Variants in TMEM117 observed in about 807,000 individuals in gnomAD.
The protein encoded by TMEM117 is transmembrane protein 117.
Under a neutral mutation model 52.4 loss-of-function variants are expected in TMEM117, and 27 were observed. The observed-to-expected ratio is 0.51, with a 90% CI of 0.38 to 0.71. TMEM117 has a LOEUF of 0.71. Ranked by LOEUF, TMEM117 falls within the 30% of genes least tolerant of loss-of-function variation. The pLI, the probability that TMEM117 is intolerant of heterozygous loss-of-function variation, is 0.00. For synonymous variants in TMEM117, 215 were observed against 206.3 expected, an observed-to-expected ratio of 1.04 and a Z score of -0.36; for missense variants, 556 against 630.5, an observed-to-expected ratio of 0.88 and a Z score of 1.26.
At chr12:44,061,274 TGAA>T (rs1947134566) in intron 3 of TMEM117, among the ~76,000 whole-genome samples, 1 of 152,136 alleles carries the variant, frequency 6.6e-6, no homozygotes, top group Non-Finnish European at 1.5e-5. Context: ...GACTGTGATA[TGAA>T]GAAGATTTTA....
chr12:43,941,904 T>C (rs1945050586), intron 2 of TMEM117, among the ~76,000 whole-genome samples: 1 of 152,200 alleles, frequency 6.6e-6, no homozygotes, highest in Admixed American at 6.5e-5. Context: ...CCACAATGTT[T>C]TATTTGCAAA....
chr12:43,890,915 A>T (rs752075757), intron 2 of TMEM117, among the ~76,000 whole-genome samples: 4 of 152,222 alleles, frequency 2.6e-5, no homozygotes, highest in Non-Finnish European at 4.4e-5. Flanking sequence ...TATATTCTAA[A>T]AGTATTTTAA....
At chr12:44,072,072 AT>A (rs1318937274) in intron 3 of TMEM117, among the ~76,000 whole-genome samples, 3 of 152,188 alleles carry the variant, frequency 2.0e-5, no homozygotes, top group African/African-American at 7.2e-5. Context: ...GAGTTGGTAG[AT>A]TGATGCACTT....
At chr12:44,292,371 T>G (rs1418537826) in intron 5 of TMEM117, among the ~76,000 whole-genome samples, 1 of 151,956 alleles carries the variant, frequency 6.6e-6, no homozygotes, top group Non-Finnish European at 1.5e-5. Context: ...GGCTAAAGGT[T>G]TATCAATTTT....
At chr12:43,888,543 C>CTTTTTTT (rs147186370) in intron 2 of TMEM117, among the ~76,000 whole-genome samples, 4 of 92,202 alleles carry the variant, frequency 4.3e-5, no homozygotes, top group Non-Finnish European at 6.8e-5. Flanking sequence ...CATTAGTTTT[C>CTTTTTTT]TTTTTTTTTT....
At chr12:43,862,795 A>G (rs944891814) in intron 2 of TMEM117, among the ~76,000 whole-genome samples, 3 of 152,212 alleles carry the variant, frequency 2.0e-5, no homozygotes, top group Non-Finnish European at 4.4e-5. Context: ...AGTGCATTCA[A>G]ACTGAAGGAA....
intron 2 of TMEM117, among the ~76,000 whole-genome samples, chr12:43,847,676 C>T (rs1943233171): frequency 6.6e-6 from 1 of 152,134 alleles, no homozygotes; most frequent in South Asian, 2.1e-4. Context: ...CATGATTCAT[C>T]TGGGTGGGGA....
chr12:44,026,778 A>G lies in TMEM117; in HGVS notation c.410+82436A>G, dbSNP rs150160171. On this transcript the variant is annotated intron_variant, in intron 3 of 7. Transcript: ENST00000266534. ...AACTTTCAAATATTCATATTTAGCA[A>G]TTATCACCATGTTTTAAAATCATAT... Among the ~76,000 whole-genome samples the G allele has an allele frequency of 9.8e-3, 1,495 of 152,214 alleles. 98 individuals are homozygous for G. Among genetic ancestry groups the G allele is most frequent in the Admixed American group, 0.087 (1,325 of 15,286 alleles).
At chr12:43,836,366 T>C (rs1943029502) in intron 1 of TMEM117, among the ~76,000 whole-genome samples, 170 bp downstream of exon 1, 1 of 152,206 alleles carries the variant, frequency 6.6e-6, no homozygotes, top group Admixed American at 6.5e-5. Flanking sequence ...CCGGCGCCTC[T>C]GCTCCTGCCT....
At chr12:44,338,417 G>T (rs745719181) in intron 6 of TMEM117, among the ~76,000 whole-genome samples, 1 of 151,862 alleles carries the variant, frequency 6.6e-6, no homozygotes, top group Non-Finnish European at 1.5e-5. Flanking sequence ...AAGCTGGAAG[G>T]TATAGGTAAT....
At chr12:43,878,014 T>G (rs1398864034) in intron 2 of TMEM117, among the ~76,000 whole-genome samples, 1 of 152,188 alleles carries the variant, frequency 6.6e-6, no homozygotes, top group Non-Finnish European at 1.5e-5. Flanking sequence ...CTTAAAACTG[T>G]ATCTTAGTGT....
chr12:43,806,099 C>A, the TMEM117 span: 14 of 1,521,272 alleles, frequency 9.2e-6, no homozygotes, highest in Non-Finnish European at 1.2e-5. Flanking sequence ...GCCCGGCTCG[C>A]CCCGCGAGAC....
chr12:44,313,928 G>A (rs926821359), intron 6 of TMEM117, among the ~76,000 whole-genome samples: 4 of 152,026 alleles, frequency 2.6e-5, no homozygotes, highest in East Asian at 1.9e-4. Flanking sequence ...GTATAGAAAT[G>A]GTACTGATTT....
intron 5 of TMEM117, among the ~76,000 whole-genome samples, chr12:44,232,549 T>C (rs1949946833): frequency 6.6e-6 from 1 of 151,486 alleles, no homozygotes; most frequent in South Asian, 2.1e-4. Flanking sequence ...TCTTCAAGAG[T>C]ATCTTCATAA....
intron 5 of TMEM117, chr12:44,264,040 C>T (rs537263198): frequency 6.6e-6 from 1 of 152,282 alleles, no homozygotes; most frequent in East Asian, 1.9e-4. Context: ...AGTTTCATGG[C>T]TTTCTAAAGA....
chr12:44,002,938 C>T (rs191050045), intron 3 of TMEM117, among the ~76,000 whole-genome samples: 2 of 152,288 alleles, frequency 1.3e-5, no homozygotes, highest in East Asian at 3.9e-4. Flanking sequence ...GCCCACCTAC[C>T]TGCCATTTAC....
intron 3 of TMEM117, among the ~76,000 whole-genome samples, chr12:43,995,669 T>C (rs1248493502): frequency 6.6e-6 from 1 of 152,200 alleles, no homozygotes; most frequent in Non-Finnish European, 1.5e-5. Flanking sequence ...TAGTCTTTCA[T>C]CTCTCACCTC....
chr12:43,927,304 G>T (rs1442804265), intron 2 of TMEM117, among the ~76,000 whole-genome samples: 1 of 151,946 alleles, frequency 6.6e-6, no homozygotes, highest in Non-Finnish European at 1.5e-5. Context: ...GGTTTGTTTT[G>T]TCAATTTTAA....
intron 3 of TMEM117, among the ~76,000 whole-genome samples, chr12:43,978,978 G>T (rs138049835): frequency 6.6e-6 from 1 of 150,996 alleles, no homozygotes; most frequent in African/African-American, 2.4e-5. Flanking sequence ...TTGCCTCTGA[G>T]AAATAGTATG....
Sources: allele counts gnomAD v4.1 joint callset (sites outside exome capture counted in the v4.1 genomes callset), GRCh38; gene constraint gnomAD v4.1.1; transcripts MANE v1.5; gene names NCBI Gene and HGNC (gene_info 2026-07-23, HGNC 2026-07-21).